CLMP: variants seen among roughly 807,000 people sequenced by gnomAD.
CLMP encodes CXADR-like membrane protein.
Under a neutral mutation model 45.2 loss-of-function variants are expected in CLMP, and 27 were observed. The observed-to-expected ratio is 0.60, with a 90% CI of 0.44 to 0.82. The LOEUF (loss-of-function observed/expected upper bound fraction) is 0.82. CLMP is among the 40% of genes least tolerant of loss of function. The pLI is 0.00. For missense variants in CLMP, 403 were observed against 448.4 expected (o/e 0.90, Z 0.91); for synonymous variants, 167 against 171.4 (o/e 0.97, Z 0.20).
intron 1 of CLMP, among the ~76,000 whole-genome samples, chr11:123,145,206 G>A (rs7120168): frequency 0.36 from 55,289 of 151,694 alleles, 11,470 homozygotes; most frequent in African/African-American, 0.56. Flanking sequence ...TAAATTCCAT[G>A]GGGGCTCACA....
intron 1 of CLMP, among the ~76,000 whole-genome samples, chr11:123,152,559 TAAATAAA>T (rs1861352971): frequency 2.0e-5 from 3 of 149,768 alleles, no homozygotes; most frequent in East Asian, 2.0e-4. Flanking sequence ...AATAAATAAA[TAAATAAA>T]AAATAAATAA....
chr11:123,131,655 G>C (rs1333510378), intron 1 of CLMP, among the ~76,000 whole-genome samples: 1 of 150,762 alleles, frequency 6.6e-6, no homozygotes, highest in Admixed American at 6.6e-5. Context: ...CGCTCTTGTT[G>C]CCCAGGCTGG....
intron 1 of CLMP, among the ~76,000 whole-genome samples, chr11:123,162,451 A>G (rs191270217): frequency 1.0e-3 from 152 of 152,358 alleles, no homozygotes; most frequent in African/African-American, 3.4e-3. Flanking sequence ...TGCAAATAGA[A>G]CAGAGATCCA....
In CLMP at chr11:123,074,825, A is replaced by G; in HGVS notation, c.698T>C (p.Met233Thr). 1 of 1,613,880 alleles carries G rather than the reference A, an allele frequency of 6.2e-7. No homozygotes were observed. The highest frequency in any genetic ancestry group is 1.1e-5 in the South Asian group (1 of 91,066). The change falls in exon 6 of 7, where the codon ATG becomes ACG. Residue 233 changes from methionine (M) to threonine (T), a missense_variant. Coordinates refer to ENST00000448775, the MANE Select transcript of CLMP (RefSeq NM_024769.5). ...TATGCCTGTCACTGCTCCTGCAACC[A>G]TGCCGATGCTTTGTACATCTATTTT... ...VTVQYVQSIG[M>T]VAGAVTGIVA... is the part of the protein sequence containing the mutation.
chr11:123,127,052 T>C (rs1860906144), intron 1 of CLMP, among the ~76,000 whole-genome samples: 1 of 152,080 alleles, frequency 6.6e-6, no homozygotes, highest in Non-Finnish European at 1.5e-5. Context: ...ATGTGATAAA[T>C]GCTATAAAGG....
At position 123,071,318 on chromosome 11, in the gene CLMP, C is replaced by T. The variant is rs1231329348; in HGVS notation, c.*2156G>A. 1 of 152,154 alleles carries T rather than the reference C, an allele frequency of 6.6e-6. No homozygotes were observed. The highest frequency in any genetic ancestry group is 1.5e-5 in the Non-Finnish European group (1 of 68,058). 9.4% of individuals were successfully genotyped at this position (152,154 alleles called of 1,614,324 possible). On this transcript the variant is annotated 3_prime_UTR_variant, in exon 7 of 7. Transcript: ENST00000448775. ...TACGTGGTGGCGCACACCTATAATCCAAGCTACTTGGGGGACTGAGGAAGG... is the reference window on the plus strand; with the variant it reads ...TACGTGGTGGCGCACACCTATAATCTAAGCTACTTGGGGGACTGAGGAAGG...
rs540133841 is a variant in CLMP at position 123,156,540 on chromosome 11, G to T, written c.28+38373C>A. On this transcript the variant is annotated intron_variant, in intron 1 of 6. Transcript: ENST00000448775. ...TACGCCATTAAGTGGTGGTCGGGGGGATTTTTTTGGTAGTGATAGATAACT... is the reference window on the plus strand; with the variant it reads ...TACGCCATTAAGTGGTGGTCGGGGGTATTTTTTTGGTAGTGATAGATAACT... 8.0e-4 allele frequency among the ~76,000 whole-genome samples: 121 copies of T among 152,126 alleles called. 3 individuals are homozygous for T. In the East Asian group the frequency reaches 0.018, roughly 22 times the overall value.
At chr11:123,105,225 A>C (rs1860524954) in intron 1 of CLMP, among the ~76,000 whole-genome samples, 1 of 152,200 alleles carries the variant, frequency 6.6e-6, no homozygotes, top group South Asian at 2.1e-4. Context: ...TCCCATTAAA[A>C]TGTTAGTTCT....
intron 1 of CLMP, among the ~76,000 whole-genome samples, chr11:123,115,187 G>A (rs1297493800): frequency 1.3e-5 from 2 of 151,730 alleles, no homozygotes; most frequent in Non-Finnish European, 2.9e-5. Flanking sequence ...AACTACAAGT[G>A]TGCACCAGCA....
At chr11:123,189,483 A>G (rs952191922) in intron 1 of CLMP, among the ~76,000 whole-genome samples, 2 of 152,214 alleles carry the variant, frequency 1.3e-5, no homozygotes, top group East Asian at 3.8e-4. Flanking sequence ...GAGATAAGGT[A>G]TGTTAATATA....
chr11:123,188,440 CTCTTCCTCCTCT>C (rs1189659297), intron 1 of CLMP, among the ~76,000 whole-genome samples: 2 of 55,344 alleles, frequency 3.6e-5, no homozygotes, highest in South Asian at 6.3e-4. Context: ...CTTCCTCCTC[CTCTTCCTCCTCT>C]TCTTCCTCCT....
At chr11:123,151,375 A>G (rs11219031) in intron 1 of CLMP, among the ~76,000 whole-genome samples, 49,842 of 152,190 alleles carry the variant, frequency 0.33, 8,380 homozygotes, top group South Asian at 0.42. Context: ...CTTTCAGGAC[A>G]GATTTACCTG....
chr11:123,093,622 G>A (rs1461071191), intron 2 of CLMP, among the ~76,000 whole-genome samples: 1 of 152,070 alleles, frequency 6.6e-6, no homozygotes, highest in East Asian at 1.9e-4. Flanking sequence ...TATACTTTGG[G>A]CCTCCCAAAG....
intron 2 of CLMP, among the ~76,000 whole-genome samples, chr11:123,093,696 A>G (rs1425037177): frequency 6.9e-6 from 1 of 143,976 alleles, no homozygotes; most frequent in Non-Finnish European, 1.5e-5. Context: ...TAAGAAGTGT[A>G]GTGTTGAGAC....
chr11:123,156,762 C>A (rs1362327962), intron 1 of CLMP, among the ~76,000 whole-genome samples: 1 of 148,696 alleles, frequency 6.7e-6, no homozygotes, highest in Non-Finnish European at 1.5e-5. Flanking sequence ...AGATAAAAAT[C>A]TCACAAATGT....
intron 1 of CLMP, among the ~76,000 whole-genome samples, chr11:123,194,367 C>A (rs1861949555): frequency 6.6e-6 from 1 of 151,298 alleles, no homozygotes; most frequent in Non-Finnish European, 1.5e-5. Context: ...TCCTTCCCAA[C>A]CCTTCCCCTT....
chr11:123,185,316 G>C (rs974499313), intron 1 of CLMP, among the ~76,000 whole-genome samples: 1 of 152,138 alleles, frequency 6.6e-6, no homozygotes, highest in Non-Finnish European at 1.5e-5. Flanking sequence ...CGGAGTTCAC[G>C]CTGGTCTTTG....
At chr11:123,134,410 T>C (rs1190683956) in intron 1 of CLMP, among the ~76,000 whole-genome samples, 4 of 152,176 alleles carry the variant, frequency 2.6e-5, no homozygotes, top group South Asian at 2.1e-4. Flanking sequence ...TTATGATTAA[T>C]TTTTTCTTTC....
intron 1 of CLMP, among the ~76,000 whole-genome samples, chr11:123,171,695 C>T (rs1270416198): frequency 6.6e-6 from 1 of 152,034 alleles, no homozygotes; most frequent in Non-Finnish European, 1.5e-5. Context: ...CCGCCTTCCT[C>T]GGTCTCCCAA....
Sources: gnomAD v4.1 joint callset for allele counts (sites outside exome capture counted in the v4.1 genomes callset) on GRCh38, gnomAD v4.1.1 for gene constraint, MANE v1.5 for transcripts, NCBI Gene and HGNC (gene_info 2026-07-23, HGNC 2026-07-21) for gene names.